Variants in CCDC171 observed in about 807,000 individuals in gnomAD.
CCDC171 encodes the protein coiled-coil domain containing 171.
CCDC171 carries 177 observed loss-of-function variants against 168.2 expected under a neutral mutation model. The observed-to-expected ratio is 1.05, with a 90% confidence interval of 0.93 to 1.19. The LOEUF is 1.19. Ranked by LOEUF, CCDC171 falls within the 50% of genes most tolerant of loss-of-function variation. The probability of loss-of-function intolerance (pLI) is 0.00; values close to 1 mark genes in which losing one functional copy is unlikely to be tolerated. For missense variants in CCDC171, 1,991 were observed against 1,539.0 expected (o/e 1.29, Z -4.91); for synonymous variants, 687 against 540.8 (o/e 1.27, Z -3.75).
Position 15,675,781 on chromosome 9 carries a change from C to G in CCDC171, c.1077-2977C>G, listed in dbSNP as rs138143560. On this transcript the variant is annotated intron_variant, in intron 9 of 25. Transcript: ENST00000380701. ...GGGCTTCCCTTGTTGGTGAACTGAACTTTCTCTCTGGCTGCCCTTAACATT... is the reference window on the plus strand; with the variant it reads ...GGGCTTCCCTTGTTGGTGAACTGAAGTTTCTCTCTGGCTGCCCTTAACATT... Among the ~76,000 whole-genome samples, 27 of 152,302 alleles carry G rather than the reference C, an allele frequency of 1.8e-4. No homozygotes were observed. In the East Asian group the frequency reaches 4.6e-3, roughly 26 times the overall value.
chr9:15,935,186 AAT>A (rs1226842333), intron 25 of CCDC171, among the ~76,000 whole-genome samples: 3 of 152,060 alleles, frequency 2.0e-5, no homozygotes, highest in Non-Finnish European at 2.9e-5. Flanking sequence ...TCTCATTAAA[AAT>A]ATTTCTTTGA....
chr9:15,724,190 T>C (rs2053660305), intron 13 of CCDC171, among the ~76,000 whole-genome samples: 1 of 152,200 alleles, frequency 6.6e-6, no homozygotes, highest in African/African-American at 2.4e-5. Flanking sequence ...TAGTTTATTT[T>C]AGTTTCTGTG....
intron 25 of CCDC171, among the ~76,000 whole-genome samples, chr9:15,954,046 A>G (rs1829502890): frequency 6.6e-6 from 1 of 151,638 alleles, no homozygotes; most frequent in Non-Finnish European, 1.5e-5. Context: ...GATATTAGTA[A>G]TTTGAGTTTC....
intron 7 of CCDC171, among the ~76,000 whole-genome samples, chr9:15,648,865 A>G (rs2047267267): frequency 2.0e-5 from 3 of 152,192 alleles, no homozygotes; most frequent in Non-Finnish European, 4.4e-5. Context: ...TCAAGCTACC[A>G]ATGACTTTCT....
intron 21 of CCDC171, among the ~76,000 whole-genome samples, chr9:15,822,784 T>A (rs2059844572): frequency 6.6e-6 from 1 of 152,144 alleles, no homozygotes; most frequent in Non-Finnish European, 1.5e-5. Flanking sequence ...TGGTGATTCC[T>A]CAGGGATCTA....
intron 7 of CCDC171, among the ~76,000 whole-genome samples, chr9:15,656,642 A>G (rs1054731373): frequency 1.3e-5 from 2 of 152,364 alleles, no homozygotes; most frequent in South Asian, 4.1e-4. Flanking sequence ...AATAAAAAGC[A>G]TAATATATGA....
chr9:15,610,465 A>AC (rs2043584926), intron 6 of CCDC171, among the ~76,000 whole-genome samples: 2 of 140,912 alleles, frequency 1.4e-5, no homozygotes, highest in Non-Finnish European at 3.1e-5. Context: ...AAAAAAAAAA[A>AC]AAAAAAAAAA....
At position 15,758,967 on chromosome 9, in the gene CCDC171, T is replaced by C. The variant is rs182375590; in HGVS notation, c.2671+13336T>C. ...GTCTCGGGTATGTCTTTATCAGCAGTGTGAAAACAGACTAATACAGTGGCC... is the reference window on the plus strand; with the variant it reads ...GTCTCGGGTATGTCTTTATCAGCAGCGTGAAAACAGACTAATACAGTGGCC... On this transcript the variant is annotated intron_variant, in intron 18 of 25. Transcript: ENST00000380701. Among the ~76,000 whole-genome samples, 217 of 152,312 alleles carry C rather than the reference T, an allele frequency of 1.4e-3. 2 individuals carry two copies. Among genetic ancestry groups the C allele is most frequent in the African/African-American group, 4.8e-3 (200 of 41,566 alleles).
intron 11 of CCDC171, among the ~76,000 whole-genome samples, chr9:15,696,782 C>G (rs781685702): frequency 6.6e-6 from 1 of 152,248 alleles, no homozygotes. Context: ...ATTACTAAGC[C>G]TACAGAATTT....
intron 24 of CCDC171, among the ~76,000 whole-genome samples, chr9:15,891,147 A>G (rs1466111809): frequency 6.6e-6 from 1 of 152,202 alleles, no homozygotes; most frequent in Non-Finnish European, 1.5e-5. Flanking sequence ...TTATGGATGT[A>G]CTTTGCTGAA....
chr9:15,882,709 T>A (rs1437261407), intron 24 of CCDC171, among the ~76,000 whole-genome samples: 1 of 152,094 alleles, frequency 6.6e-6, no homozygotes, highest in African/African-American at 2.4e-5. Context: ...TTTTAGTGTT[T>A]CATGACTGGG....
At chr9:16,102,849 T>G in the CCDC171 span, among the ~76,000 whole-genome samples, 1 of 152,204 alleles carries the variant, frequency 6.6e-6, no homozygotes, top group Non-Finnish European at 1.5e-5. Context: ...GTGAGTTTAA[T>G]GAGAGGCATC....
At chr9:16,097,165 C>G in the CCDC171 span, among the ~76,000 whole-genome samples, 2 of 152,156 alleles carry the variant, frequency 1.3e-5, no homozygotes, top group Non-Finnish European at 1.5e-5. Flanking sequence ...CTGAGGCTCC[C>G]CAGCCCTGGA....
chr9:16,017,539 A>G (rs7854417), intron 3 of CCDC171, among the ~76,000 whole-genome samples: 136 of 152,100 alleles, frequency 8.9e-4, no homozygotes, highest in African/African-American at 3.0e-3. Flanking sequence ...TTTACGTTAA[A>G]GAAAATAAAC....
rs539090807 is a variant in CCDC171, at chr9:15,906,033, A to G, written c.3601-14237A>G. Among the ~76,000 whole-genome samples, 133 of 152,166 alleles carry G rather than the reference A, an allele frequency of 8.7e-4. 1 individual carries two copies. The highest frequency in any genetic ancestry group is 2.5e-3 in the African/African-American group (105 of 41,506). ...CTCTGAAATTGAGGCAATAATTATTAGCTTACCAACCAAAAAAAATCCAGG... is the reference window on the plus strand; with the variant it reads ...CTCTGAAATTGAGGCAATAATTATTGGCTTACCAACCAAAAAAAATCCAGG... On this transcript the variant is annotated intron_variant, in intron 24 of 25. Transcript: ENST00000380701.
At chr9:15,832,865 G>A (rs566783088) in intron 21 of CCDC171, among the ~76,000 whole-genome samples, 4 of 150,918 alleles carry the variant, frequency 2.7e-5, no homozygotes, top group East Asian at 1.9e-4. Context: ...TTTTTTTAAC[G>A]TTTAAAACTT....
At chr9:15,754,207 G>C (rs1317315964) in intron 18 of CCDC171, among the ~76,000 whole-genome samples, 1 of 152,082 alleles carries the variant, frequency 6.6e-6, no homozygotes, top group Non-Finnish European at 1.5e-5. Context: ...AACCTAAACA[G>C]GTAAACATTA....
intron 21 of CCDC171, among the ~76,000 whole-genome samples, chr9:15,812,867 G>T (rs906665001): frequency 2.0e-5 from 3 of 152,220 alleles, no homozygotes; most frequent in Non-Finnish European, 4.4e-5. Context: ...ATATTGGGTT[G>T]AGCATGGGTT....
At chr9:15,883,986 C>T (rs528807426) in intron 24 of CCDC171, among the ~76,000 whole-genome samples, 11 of 152,112 alleles carry the variant, frequency 7.2e-5, no homozygotes, top group African/African-American at 2.7e-4. Context: ...AATCCTTCCC[C>T]CTGTAGACAC....
Sources: gnomAD v4.1 joint callset for allele counts (sites outside exome capture counted in the v4.1 genomes callset) on GRCh38, gnomAD v4.1.1 for gene constraint, MANE v1.5 for transcripts, NCBI Gene and HGNC (gene_info 2026-07-23, HGNC 2026-07-21) for gene names.